IFT172: variants seen among roughly 807,000 people sequenced by gnomAD.
IFT172 encodes intraflagellar transport protein 172 homolog.
Under a neutral mutation model 248.9 loss-of-function variants are expected in IFT172, and 164 were observed. That is an observed-to-expected ratio of 0.66 (90% CI 0.58 to 0.75). IFT172 has a LOEUF of 0.75. Among genes scored for constraint, IFT172 ranks in the 30% least tolerant of loss-of-function variants. The pLI, the probability that IFT172 is intolerant of heterozygous loss-of-function variation, is 0.00. For missense variants in IFT172, 1,950 were observed against 2,192.4 expected (o/e 0.89, Z 2.21); for synonymous variants, 729 against 791.6 (o/e 0.92, Z 1.33).
At chr2:27,458,710 G>A in intron 26 of IFT172, 69 bp downstream of exon 26, 6 of 1,553,140 alleles carry the variant, frequency 3.9e-6, no homozygotes, top group Non-Finnish European at 5.3e-6. Flanking sequence ...GGAGAAACAG[G>A]TATCAAGGAA....
In IFT172 at chr2:27,447,518, C is replaced by T. The variant is rs530107456; in HGVS notation, c.4656G>A (p.Gln1552=). The part of the protein sequence containing the change: ...ATRSAAQSVK[Q]LETVAARLSV... Reference sequence around the variant, plus strand: ...CCTTCGACCCCCTACATCTCACCAGCTGTTTGACACTCTGGGCTGCAGAGC... The same window carrying T: ...CCTTCGACCCCCTACATCTCACCAGTTGTTTGACACTCTGGGCTGCAGAGC... The change falls in exon 42 of 48, where the codon CAG becomes CAA. Residue 1552 remains glutamine (Q), a synonymous_variant. Transcript: ENST00000260570. 2.9e-5 allele frequency: 46 copies of T among 1,613,970 alleles called. No homozygotes were observed. In the South Asian group the frequency reaches 4.0e-4, roughly 14 times the overall value.
At position 27,454,799 on chromosome 2, in the gene IFT172, A is replaced by T. The variant is rs534653652; in HGVS notation, c.3372-139T>A. 108 of 730,602 alleles carry T rather than the reference A, an allele frequency of 1.5e-4. 4 individuals are homozygous for T. The South Asian group carries it at 1.8e-3, about 12-fold the overall frequency. The allele number at this position is 730,602 out of a possible 1,614,324, so 45.3% of individuals were successfully genotyped here. On this transcript the variant is annotated intron_variant, in intron 30 of 47. Coordinates refer to ENST00000260570, the MANE Select transcript of IFT172 (RefSeq NM_015662.3). The surrounding 1 kb of genome is among the most constrained non-coding windows in gnomAD (Gnocchi z 4.2). The stretch of plus-strand genomic sequence containing the variant: ...GATAACAAATATGAAGTGACAGAAA[A>T]GCGTGGAGAGATAAAAAGGAAGACG...
chr2:27,447,299 G>A (rs1314062185), intron 42 of IFT172, among the ~76,000 whole-genome samples: 1 of 152,218 alleles, frequency 6.6e-6, no homozygotes, highest in African/African-American at 2.4e-5. Context: ...TAAACATAAT[G>A]AGGCTGAGGC....
chr2:27,466,637 C>A (rs1383714404), intron 16 of IFT172, among the ~76,000 whole-genome samples: 2 of 151,970 alleles, frequency 1.3e-5, no homozygotes, highest in East Asian at 3.9e-4. Flanking sequence ...GAAAAAAATA[C>A]AAGGAAACCA....
intron 39 of IFT172, 105 bp from the exon 40 acceptor site, chr2:27,449,136 C>T: frequency 8.9e-7 from 1 of 1,127,818 alleles, no homozygotes; most frequent in South Asian, 1.3e-5. Context: ...AGGGTGTACG[C>T]AAACCTCTGA....
intron 14 of IFT172, among the ~76,000 whole-genome samples, chr2:27,474,965 A>C (rs1667859483): frequency 6.6e-6 from 1 of 152,194 alleles, no homozygotes; most frequent in Admixed American, 6.5e-5. Context: ...TGAGGCAAAA[A>C]TATCTGCAAT....
intron 11 of IFT172, 63 bp from the exon 12 acceptor site, chr2:27,477,675 G>A (rs1668067821): frequency 1.8e-6 from 2 of 1,139,978 alleles, no homozygotes; most frequent in Admixed American, 1.7e-5. Context: ...CCGAAAGAAT[G>A]AAGAATGACA....
At chr2:27,457,781 G>A (rs1484109438) in intron 28 of IFT172, 26 bp from the exon 29 acceptor site, 1 of 1,614,130 alleles carries the variant, frequency 6.2e-7, no homozygotes. Context: ...TCAGGATGGA[G>A]AGATGGGGAG....
chr2:27,449,248 C>A (rs200053045), intron 39 of IFT172, 46 bp downstream of exon 39: 11 of 1,609,170 alleles, frequency 6.8e-6, no homozygotes, highest in Admixed American at 5.0e-5. Flanking sequence ...GGTGGGGAAT[C>A]AAGGGAAAAT....
At chr2:27,448,847 A>G (rs1028450627) in intron 40 of IFT172, 68 bp downstream of exon 40, 14 of 807,010 alleles carry the variant, frequency 1.7e-5, no homozygotes, top group Non-Finnish European at 3.2e-5. Context: ...GTTCCTGAGA[A>G]GATAGGTGGT....
chr2:27,472,463 T>C, intron 14 of IFT172, 101 bp from the exon 15 acceptor site: 1 of 854,874 alleles, frequency 1.2e-6, no homozygotes, highest in Non-Finnish European at 1.8e-6. Flanking sequence ...AAGCTAGGTC[T>C]CTTTTAGAAT....
At chr2:27,446,715 C>T (rs1248914993) in intron 42 of IFT172, among the ~76,000 whole-genome samples, 4 of 66,346 alleles carry the variant, frequency 6.0e-5, no homozygotes, top group African/African-American at 2.2e-4. Flanking sequence ...TTTTTTGAGA[C>T]GGAGTCTCGC....
intron 2 of IFT172, 109 bp from the exon 3 acceptor site, chr2:27,485,239 T>A: frequency 6.6e-7 from 1 of 1,515,312 alleles, no homozygotes; most frequent in Non-Finnish European, 9.0e-7. Flanking sequence ...TGAGGATTTA[T>A]ACTGAGAAAA....
rs1182666600 is a variant in IFT172, at chr2:27,465,836, A to T, written c.1739T>A (p.Met580Lys). ...AACAGTAGTCACACCTTCCATCACC[A>T]TCACCTCGGTCTTTCCCCCGCCCCG... ...LERGGGKTEV[M>K]VMEGVTTVAY... The change falls in exon 17 of 48, where the codon ATG becomes AAG. Residue 580 changes from methionine (M) to lysine (K), a missense_variant. Physicochemically the swap from Met to Lys is moderately conservative, Grantham distance 95 (BLOSUM62 -1). Around this residue, in one of 3 missense-constraint regions of IFT172, gnomAD observed 1,166 missense variants for 1,254.1 expected, o/e 0.93. Coordinates refer to ENST00000260570, the MANE Select transcript of IFT172 (RefSeq NM_015662.3). The T allele has an allele frequency of 6.2e-7, 1 of 1,613,928 alleles. No homozygotes were observed. Among genetic ancestry groups the T allele is most frequent in the South Asian group, 1.1e-5 (1 of 91,056 alleles).
chr2:27,456,662 C>A lies in IFT172; in HGVS notation c.3229-9G>T, dbSNP rs775776080. 3.1e-6 allele frequency: 5 copies of A among 1,611,764 alleles called. No homozygotes were observed. The Admixed American group carries it at 6.7e-5, about 22-fold the overall frequency. Reference sequence around the variant, plus strand: ...CCTTGAGTTCTGGCCACCTGTAAAGCAAAGTCACTCAATAATCCTGCAATA... The same window carrying A: ...CCTTGAGTTCTGGCCACCTGTAAAGAAAAGTCACTCAATAATCCTGCAATA... On this transcript the variant is annotated splice_polypyrimidine_tract_variant and intron_variant, in intron 29 of 47. Coordinates refer to ENST00000260570, the MANE Select transcript of IFT172 (RefSeq NM_015662.3).
At chr2:27,487,108 A>G (rs1452364927) in intron 1 of IFT172, among the ~76,000 whole-genome samples, 2 of 151,958 alleles carry the variant, frequency 1.3e-5, no homozygotes, top group Non-Finnish European at 2.9e-5. Context: ...ATGCCTGGCT[A>G]ATTTTTTTAT....
At chr2:27,481,025 A>G (rs1247493863) in intron 8 of IFT172, 21 bp downstream of exon 8, 2 of 1,594,670 alleles carry the variant, frequency 1.3e-6, no homozygotes, top group Non-Finnish European at 8.6e-7. Flanking sequence ...GGCAGTAGAT[A>G]AAACTGGAAA....
rs778790509 is a variant in IFT172 at position 27,481,099 on chromosome 2, G to A, written c.732C>T (p.Thr244=). ...GGCCCCCAGGACTTGATACAGCTGTGGTGAACTCCCGCTCCTGAGGGTCAC... is the reference window on the plus strand; with the variant it reads ...GGCCCCCAGGACTTGATACAGCTGTAGTGAACTCCCGCTCCTGAGGGTCAC... ...YSRDPQEREF[T]TAVSSPGGQS... is the part of the protein sequence containing the mutation. The change falls in exon 8 of 48, where the codon ACC becomes ACT. Residue 244 remains threonine, a synonymous_variant. Transcript: ENST00000260570. 1.2e-5 allele frequency: 20 copies of A among 1,613,898 alleles called. No individual in the cohort carries two copies. The African/African-American group carries it at 2.0e-4, about 16-fold the overall frequency.
At position 27,470,988 on chromosome 2, in the gene IFT172, G is replaced by A. The variant is rs1447114867; in HGVS notation, c.1632C>T (p.Asn544=). Residue 544 remains asparagine, a synonymous_variant, in exon 16 of 48, where the codon AAC becomes AAT. Transcript: ENST00000260570. ...CAATGTTGTACCATACACACAGACT[G>A]TTTCGGTTCTGAGCTACCAGCACGT... The part of the protein sequence containing the change: ...GSDVLVAQNR[N]SLCVWYNIEA... 6.2e-7 allele frequency: 1 copy of A among 1,613,964 alleles called. No homozygotes were observed. The highest frequency in any genetic ancestry group is 8.5e-7 in the Non-Finnish European group (1 of 1,179,974).
Sources: allele counts gnomAD v4.1 joint callset (sites outside exome capture counted in the v4.1 genomes callset), GRCh38; gene constraint gnomAD v4.1.1; regional missense constraint gnomAD v4.1.1; non-coding constraint Gnocchi (gnomAD v3.1); transcripts MANE v1.5; gene names NCBI Gene and HGNC (gene_info 2026-07-23, HGNC 2026-07-21).